Variants in FNDC3B observed in about 807,000 individuals in gnomAD.
The protein encoded by FNDC3B is fibronectin type III domain-containing protein 3B.
FNDC3B carries 12 observed loss-of-function variants against 151.5 expected under a neutral mutation model. That is an observed-to-expected ratio of 0.08 (90% CI 0.05 to 0.13). The LOEUF (loss-of-function observed/expected upper bound fraction) is 0.13. Ranked by LOEUF, FNDC3B falls within the 10% of genes least tolerant of loss-of-function variation. FNDC3B has a pLI of 1.00. For synonymous variants in FNDC3B, 528 were observed against 549.0 expected, an observed-to-expected ratio of 0.96 and a Z score of 0.54; for missense variants, 1,214 against 1,505.3, an observed-to-expected ratio of 0.81 and a Z score of 3.20.
chr3:172,048,940 A>G (rs1216003944), intron 1 of FNDC3B, among the ~76,000 whole-genome samples: 2 of 152,156 alleles, frequency 1.3e-5, no homozygotes, highest in African/African-American at 2.4e-5. Flanking sequence ...TAGAATAGAG[A>G]TTACCAGGGC....
At chr3:172,163,734 A>G (rs1285407630) in intron 3 of FNDC3B, among the ~76,000 whole-genome samples, 2 of 151,758 alleles carry the variant, frequency 1.3e-5, no homozygotes, top group Non-Finnish European at 2.9e-5. Flanking sequence ...GTTGGTTCTG[A>G]TATTTGGGTA....
At chr3:172,347,407 A>T in intron 21 of FNDC3B, 46 bp downstream of exon 21, 1 of 1,478,994 alleles carries the variant, frequency 6.8e-7, no homozygotes, top group Non-Finnish European at 9.1e-7. Context: ...CTGCTGTCCC[A>T]TGAAAGGCAC....
chr3:172,119,680 G>C (rs1720439481), intron 2 of FNDC3B, among the ~76,000 whole-genome samples: 1 of 152,146 alleles, frequency 6.6e-6, no homozygotes, highest in South Asian at 2.1e-4. Flanking sequence ...AGCTATTAGG[G>C]GCACTACAAA....
At chr3:172,066,135 C>T (rs891095267) in intron 1 of FNDC3B, among the ~76,000 whole-genome samples, 18 of 152,162 alleles carry the variant, frequency 1.2e-4, no homozygotes, top group African/African-American at 4.1e-4. Flanking sequence ...TGTTAGCCCA[C>T]AACTGTTATT....
intron 2 of FNDC3B, among the ~76,000 whole-genome samples, chr3:172,124,942 G>A (rs959811463): frequency 4.6e-5 from 7 of 152,150 alleles, no homozygotes; most frequent in South Asian, 4.1e-4. Flanking sequence ...GACAAAACCC[G>A]AGGCGAGAAA....
At chr3:172,193,150 TCCTTCCCA>T (rs1296009129) in intron 3 of FNDC3B, among the ~76,000 whole-genome samples, 12 of 73,198 alleles carry the variant, frequency 1.6e-4, no homozygotes, top group East Asian at 4.6e-4. Flanking sequence ...CTGCCTCCCT[TCCTTCCCA>T]CCTTTCCCTC....
intron 6 of FNDC3B, among the ~76,000 whole-genome samples, chr3:172,269,696 G>A (rs1366869926): frequency 2.0e-5 from 3 of 152,114 alleles, no homozygotes; most frequent in Admixed American, 6.6e-5. Flanking sequence ...CCAGGCTGGA[G>A]TGCAGTGGCA....
At chr3:172,205,054 G>A (rs1201677969) in intron 3 of FNDC3B, among the ~76,000 whole-genome samples, 1 of 152,216 alleles carries the variant, frequency 6.6e-6, no homozygotes, top group Admixed American at 6.5e-5. Context: ...GTAGTTCTCT[G>A]CAGCAGTAAA....
At chr3:172,067,517 A>G (rs1429037872) in intron 1 of FNDC3B, among the ~76,000 whole-genome samples, 4 of 152,220 alleles carry the variant, frequency 2.6e-5, no homozygotes, top group Non-Finnish European at 5.9e-5. Context: ...TTTATAGAAG[A>G]TCATAAAATA....
chr3:172,048,048 C>T (rs1333407672), intron 1 of FNDC3B, among the ~76,000 whole-genome samples: 3 of 152,152 alleles, frequency 2.0e-5, no homozygotes, highest in Non-Finnish European at 2.9e-5. Flanking sequence ...TCCTCCTGGG[C>T]AGCTTAGTTC....
At chr3:172,196,320 C>T (rs1417935080) in intron 3 of FNDC3B, among the ~76,000 whole-genome samples, 1 of 151,946 alleles carries the variant, frequency 6.6e-6, no homozygotes. Flanking sequence ...TCCCAAGTAC[C>T]TGAGACTACA....
chr3:172,279,546 T>C (rs1384571236), intron 6 of FNDC3B, among the ~76,000 whole-genome samples: 1 of 152,244 alleles, frequency 6.6e-6, no homozygotes, highest in Non-Finnish European at 1.5e-5. Flanking sequence ...GGATTTCAAA[T>C]AGAGTAACCA....
In FNDC3B at chr3:172,344,165, A is replaced by G. The variant is rs1040022011; in HGVS notation, c.2157A>G (p.Glu719=). The change falls in exon 19 of 26, where the codon GAA becomes GAG. Residue 719 remains glutamate, a synonymous_variant. Coordinates refer to ENST00000415807, the MANE Select transcript of FNDC3B (RefSeq NM_022763.4). ...EMTEPEDVAS[E]VYHGPELECT... ...CGGAGCCCGAAGACGTAGCCTCGGAAGTGTACCATGGCCCAGAGCTGGAGT... is the reference window on the plus strand; with the variant it reads ...CGGAGCCCGAAGACGTAGCCTCGGAGGTGTACCATGGCCCAGAGCTGGAGT... The G allele has an allele frequency of 3.7e-6, 6 of 1,614,184 alleles. No individual in the cohort carries two copies. The highest frequency in any genetic ancestry group is 5.1e-6 in the Non-Finnish European group (6 of 1,180,018).
chr3:172,397,527 T>G lies in FNDC3B; in HGVS notation c.*52T>G. 8.7e-7 allele frequency: 1 copy of G among 1,150,844 alleles called. No homozygotes were observed. The highest frequency in any genetic ancestry group is 1.2e-6 in the Non-Finnish European group (1 of 815,550). The allele number at this position is 1,150,844 out of a possible 1,614,324, so 71.3% of individuals were successfully genotyped here. A position where few individuals can be genotyped will look rare whatever the true frequency, so the allele number is the denominator to read the frequency against. On this transcript the variant is annotated 3_prime_UTR_variant, in exon 26 of 26. Transcript: ENST00000415807. Reference sequence around the variant, plus strand: ...AATGCTACACATTTTAATACACACATTTATTCAGATACTCCCCTTTTTAAA... The same window carrying G: ...AATGCTACACATTTTAATACACACAGTTATTCAGATACTCCCCTTTTTAAA...
chr3:172,082,606 A>G (rs1684157313), intron 1 of FNDC3B, among the ~76,000 whole-genome samples: 1 of 152,198 alleles, frequency 6.6e-6, no homozygotes, highest in Non-Finnish European at 1.5e-5. Context: ...AGCAGCAAAG[A>G]ATGTTCCACC....
chr3:172,134,440 A>C (rs954696988), intron 3 of FNDC3B: 1 of 513,382 alleles, frequency 1.9e-6, no homozygotes, highest in Non-Finnish European at 3.9e-6. Context: ...CATGCAATTG[A>C]GATCAGTATT....
chr3:172,111,215 A>G (rs1400616487), intron 1 of FNDC3B, among the ~76,000 whole-genome samples: 1 of 152,172 alleles, frequency 6.6e-6, no homozygotes, highest in Non-Finnish European at 1.5e-5. Flanking sequence ...ATTGAAATAG[A>G]CATTAGATTT....
At chr3:172,136,453 C>A (rs572690173) in intron 3 of FNDC3B, among the ~76,000 whole-genome samples, 1 of 152,278 alleles carries the variant, frequency 6.6e-6, no homozygotes, top group East Asian at 1.9e-4. Flanking sequence ...GGTGGCTCAG[C>A]TTCCAGGTGG....
rs1416589841 is a variant in FNDC3B at position 172,271,871 on chromosome 3, T to TA, written c.791-14054dup. Among the ~76,000 whole-genome samples the TA allele has an allele frequency of 2.0e-5, 3 of 152,348 alleles. No individual in the cohort carries two copies. In the East Asian group the frequency reaches 5.8e-4, roughly 29 times the overall value. On this transcript the variant is annotated intron_variant, in intron 6 of 25. Transcript: ENST00000415807. Reference sequence around the variant, plus strand: ...GTACACTGACAATTTGGAACAAGGATAGACACTGCCATCTTGGTTCAGAAG... The same window carrying TA: ...GTACACTGACAATTTGGAACAAGGATAAGACACTGCCATCTTGGTTCAGAAG...
Sources: gnomAD v4.1 joint callset for allele counts (sites outside exome capture counted in the v4.1 genomes callset) on GRCh38, gnomAD v4.1.1 for gene constraint, MANE v1.5 for transcripts, NCBI Gene and HGNC (gene_info 2026-07-23, HGNC 2026-07-21) for gene names.